The following BIRC6 variants were observed in gnomAD, a reference collection of about 807,000 sequenced individuals.
BIRC6 encodes the protein baculoviral IAP repeat containing 6.
A neutral mutation model predicts 503.3 loss-of-function variants in BIRC6; 98 were observed. That is an observed-to-expected ratio of 0.19 (90% confidence interval 0.17 to 0.23). BIRC6 has a LOEUF of 0.23. Ranked by LOEUF, BIRC6 falls within the 10% of genes least tolerant of loss-of-function variation. BIRC6 has a pLI of 1.00. For synonymous variants in BIRC6, 2,240 were observed against 2,078.7 expected, an observed-to-expected ratio of 1.08 and a Z score of -2.11; for missense variants, 5,360 against 5,806.0, an observed-to-expected ratio of 0.92 and a Z score of 2.50.
chr2:32,465,231 T>C (rs1370150767), intron 26 of BIRC6, 67 bp downstream of exon 26: 6 of 616,644 alleles, frequency 9.7e-6, no homozygotes, highest in Non-Finnish European at 1.5e-5. Flanking sequence ...TTTTAAAGAC[T>C]CATTATTCTT....
intron 66 of BIRC6, among the ~76,000 whole-genome samples, chr2:32,586,983 T>G (rs2061075207): frequency 6.6e-6 from 1 of 152,252 alleles, no homozygotes; most frequent in Admixed American, 6.5e-5. Context: ...AACATTTATC[T>G]GCTAAATTAA....
intron 72 of BIRC6, among the ~76,000 whole-genome samples, chr2:32,608,139 T>C (rs1404680818): frequency 1.3e-5 from 2 of 150,926 alleles, no homozygotes; most frequent in African/African-American, 4.9e-5. Context: ...CTGCAAAAAG[T>C]TTAAAAATTT....
rs1010321798 is a variant in BIRC6 at position 32,463,374 on chromosome 2, A to G, written c.4934A>G (p.Gln1645Arg). The G allele has an allele frequency of 5.0e-6, 8 of 1,611,250 alleles. No homozygotes were observed. Among genetic ancestry groups the G allele is most frequent in the African/African-American group, 2.7e-5 (2 of 74,754 alleles). Residue 1645 changes from glutamine to arginine, a missense_variant, in exon 24 of 74, where the codon CAG becomes CGG. Around this residue, in one of 16 missense-constraint regions of BIRC6, gnomAD observed 2,299 missense variants for 2,267.2 expected, o/e 1.01. Transcript: ENST00000421745. ...QEKQQQLLKL[Q>R]QQKAKLEAKL... ...AAACAGCAGCAGCTTTTGAAGCTTC[A>G]GCAACAGGTTGGAGACTATTTGGCT...
chr2:32,381,304 A>G (rs978525190), intron 3 of BIRC6, among the ~76,000 whole-genome samples: 4 of 152,156 alleles, frequency 2.6e-5, no homozygotes, highest in South Asian at 4.1e-4. Flanking sequence ...CAATGGCACA[A>G]TCTCGGCTCA....
At position 32,488,516 on chromosome 2, in the gene BIRC6, G is replaced by T. The variant is rs2051278800; in HGVS notation, c.7969-72G>T. ...ACTCGTGACAAGAATTTAAACATAA[G>T]ATTTTTGTTTAAATTGTATTTCATA... is the stretch of plus-strand genomic sequence containing the variant. On this transcript the variant is annotated intron_variant, in intron 41 of 73. Transcript: ENST00000421745. 3 of 1,273,854 alleles carry T rather than the reference G, an allele frequency of 2.4e-6. No individual in the cohort carries two copies. The East Asian group carries it at 8.2e-5, about 35-fold the overall frequency. The allele number at this position is 1,273,854 out of a possible 1,614,324, so 78.9% of individuals were successfully genotyped here.
rs546251569 is a variant in BIRC6 at position 32,518,494 on chromosome 2, T to C, written c.11493+97T>C. On this transcript the variant is annotated intron_variant, in intron 56 of 73. Transcript: ENST00000421745. ...ACCTCCTATGTTCTAACTTCGAGTA[T>C]AGCAAAGTGAAACTAGCACAGCCTT... The C allele has an allele frequency of 1.2e-4, 157 of 1,283,900 alleles. No individual in the cohort carries two copies. In the African/African-American group the frequency reaches 2.2e-3, roughly 18 times the overall value. The allele number at this position is 1,283,900 out of a possible 1,614,324, so 79.5% of individuals were successfully genotyped here. A position where few individuals can be genotyped will look rare whatever the true frequency, so the allele number is the denominator to read the frequency against.
chr2:32,570,279 CT>C lies in BIRC6; in HGVS notation c.13145-4869del, dbSNP rs897960895. The stretch of plus-strand genomic sequence containing the variant: ...ATCATACTTGATCATGATGTATTAT[CT>C]TTTTTTTGTTGTTTATTTTTTAAAA... On this transcript the variant is annotated intron_variant, in intron 65 of 73. Transcript: ENST00000421745. Among the ~76,000 whole-genome samples the C allele has an allele frequency of 2.3e-3, 343 of 151,866 alleles. 4 individuals are homozygous for C. The highest frequency in any genetic ancestry group is 1.3e-3 in the Non-Finnish European group (87 of 67,916).
intron 33 of BIRC6, among the ~76,000 whole-genome samples, chr2:32,474,916 G>A (rs1307797853): frequency 6.6e-6 from 1 of 151,942 alleles, no homozygotes; most frequent in African/African-American, 2.4e-5. Context: ...AATAACGTTA[G>A]TGATGTTTTT....
intron 49 of BIRC6, 59 bp downstream of exon 49, chr2:32,503,295 T>C (rs1200075510): frequency 7.0e-6 from 10 of 1,424,114 alleles, no homozygotes; most frequent in Non-Finnish European, 8.5e-6. Context: ...TTAGCTGGTA[T>C]GAAACAAAAT....
intron 66 of BIRC6, among the ~76,000 whole-genome samples, chr2:32,590,421 G>T (rs1229482694): frequency 6.6e-6 from 1 of 152,184 alleles, no homozygotes; most frequent in Non-Finnish European, 1.5e-5. Context: ...GTTTAGCTTA[G>T]ATTTAGGAGT....
chr2:32,571,618 CT>C (rs1318327800), intron 65 of BIRC6, among the ~76,000 whole-genome samples: 1 of 151,512 alleles, frequency 6.6e-6, no homozygotes, highest in Non-Finnish European at 1.5e-5. Context: ...ATTTCTGATT[CT>C]GTTTATTTGG....
At position 32,515,101 on chromosome 2, in the gene BIRC6, C is replaced by T. The variant is rs1443435742; in HGVS notation, c.10680C>T (p.Leu3560=). The change falls in exon 55 of 74, where the codon CTC becomes CTT. Residue 3560 remains leucine, a synonymous_variant. Coordinates refer to ENST00000421745, the MANE Select transcript of BIRC6 (RefSeq NM_016252.4). ...CHVHPNYFSL[L]MGWMGITPPP... ...TACACCCAAACTATTTTTCTTTGCT[C>T]ATGGGCTGGATGGGAATTACCCCTC... 4.3e-6 allele frequency: 7 copies of T among 1,613,820 alleles called. No individual in the cohort carries two copies. The highest frequency in any genetic ancestry group is 4.5e-5 in the East Asian group (2 of 44,884).
chr2:32,392,251 A>C (rs996906461), intron 5 of BIRC6, 101 bp downstream of exon 5: 2 of 804,654 alleles, frequency 2.5e-6, no homozygotes, highest in Non-Finnish European at 3.9e-6. Flanking sequence ...TATTTTGTGC[A>C]CCTTGTATGC....
At chr2:32,363,107 G>T (rs1327538459) in intron 1 of BIRC6, among the ~76,000 whole-genome samples, 2 of 152,116 alleles carry the variant, frequency 1.3e-5, no homozygotes, top group Non-Finnish European at 2.9e-5. Flanking sequence ...GAGGCAGGAG[G>T]ATCGCTTGAG....
chr2:32,484,248 A>C (rs2050733463), intron 39 of BIRC6, among the ~76,000 whole-genome samples: 1 of 142,520 alleles, frequency 7.0e-6, no homozygotes, highest in East Asian at 2.1e-4. Context: ...GTTCCTCACA[A>C]AGTTTCTTTT....
At chr2:32,591,543 G>T (rs956747335) in intron 66 of BIRC6, among the ~76,000 whole-genome samples, 11 of 152,108 alleles carry the variant, frequency 7.2e-5, no homozygotes, top group Non-Finnish European at 1.5e-4. Flanking sequence ...ACCTAAACTG[G>T]ATTGATGCAG....
intron 1 of BIRC6, among the ~76,000 whole-genome samples, chr2:32,359,714 G>A (rs2033741343): frequency 6.6e-6 from 1 of 152,236 alleles, no homozygotes; most frequent in South Asian, 2.1e-4. Context: ...TATGAGAAGT[G>A]AAATTTATTA....
intron 6 of BIRC6, among the ~76,000 whole-genome samples, chr2:32,399,932 C>T (rs1219373089): frequency 1.3e-5 from 2 of 151,942 alleles, no homozygotes; most frequent in Admixed American, 6.6e-5. Context: ...GGAATACAGG[C>T]ACATGCTACC....
At chr2:32,450,573 A>G (rs564551155) in intron 22 of BIRC6, among the ~76,000 whole-genome samples, 6 of 152,320 alleles carry the variant, frequency 3.9e-5, no homozygotes, top group African/African-American at 1.4e-4. Flanking sequence ...CAGTGGCACA[A>G]GACAGAAATG....
Sources: allele counts gnomAD v4.1 joint callset (sites outside exome capture counted in the v4.1 genomes callset), GRCh38; gene constraint gnomAD v4.1.1; regional missense constraint gnomAD v4.1.1; transcripts MANE v1.5; gene names NCBI Gene and HGNC (gene_info 2026-07-23, HGNC 2026-07-21).